Variants in TTC7B observed in about 807,000 individuals in gnomAD.
TTC7B encodes the protein tetratricopeptide repeat protein 7B.
A neutral mutation model predicts 106.8 loss-of-function variants in TTC7B; 28 were observed. That is an observed-to-expected ratio of 0.26 (90% confidence interval 0.19 to 0.36). The LOEUF is 0.36. Among genes scored for constraint, TTC7B ranks in the 10% least tolerant of loss-of-function variants. TTC7B has a pLI of 1.00. For missense variants in TTC7B, 862 were observed against 1,076.4 expected (o/e 0.80, Z 2.79); for synonymous variants, 405 against 430.6 (o/e 0.94, Z 0.74).
chr14:90,687,617 A>T (rs1274514378), intron 7 of TTC7B, among the ~76,000 whole-genome samples: 1 of 152,222 alleles, frequency 6.6e-6, no homozygotes, highest in East Asian at 1.9e-4. Flanking sequence ...TATGATATAA[A>T]TATCACTTAA....
At position 90,802,697 on chromosome 14, in the gene TTC7B, C is replaced by T. The variant is rs960532039; in HGVS notation, c.121+13478G>A. ...GGTGCTCCTCCCGGTCTTTGGTCACCATTTGCAAGTAGTCAACAGGGTTGA... is the reference window on the plus strand; with the variant it reads ...GGTGCTCCTCCCGGTCTTTGGTCACTATTTGCAAGTAGTCAACAGGGTTGA... On this transcript the variant is annotated intron_variant, in intron 1 of 19. Transcript: ENST00000328459. The surrounding 1 kb of genome is among the most constrained non-coding windows in gnomAD (Gnocchi z 4.7). 6.6e-6 allele frequency among the ~76,000 whole-genome samples: 1 copy of T among 151,872 alleles called. No individual in the cohort carries two copies. Among genetic ancestry groups the T allele is most frequent in the Admixed American group, 6.6e-5 (1 of 15,262 alleles).
At chr14:90,815,209 G>A (rs778356920) in intron 1 of TTC7B, among the ~76,000 whole-genome samples, 6 of 152,142 alleles carry the variant, frequency 3.9e-5, no homozygotes, top group Non-Finnish European at 7.4e-5. Flanking sequence ...CTCTGGCCAC[G>A]GTGTGCTGGT....
intron 15 of TTC7B, among the ~76,000 whole-genome samples, chr14:90,627,887 T>G (rs1276289438): frequency 6.6e-6 from 1 of 152,192 alleles, no homozygotes; most frequent in Non-Finnish European, 1.5e-5. Flanking sequence ...AGCCGGCACC[T>G]AAGCTGGAGA....
At chr14:90,750,105 C>T (rs756488895) in intron 3 of TTC7B, among the ~76,000 whole-genome samples, 5 of 152,138 alleles carry the variant, frequency 3.3e-5, no homozygotes, top group Admixed American at 1.3e-4. Context: ...TCACCATTTG[C>T]CAGAATAGTT....
Position 90,533,144 on chromosome 14 carries a change from C to G in TTC7B, c.*8224G>C, listed in dbSNP as rs1249290664. 6.6e-6 allele frequency: 1 copy of G among 152,370 alleles called. No homozygotes were observed. The highest frequency in any genetic ancestry group is 2.4e-5 in the African/African-American group (1 of 41,450). 9.4% of individuals were successfully genotyped at this position (152,370 alleles called of 1,614,324 possible). A position where few individuals can be genotyped will look rare whatever the true frequency, so the allele number is the denominator to read the frequency against. ...TGCAGGCTCCAGCCCAGCAGGCCCA[C>G]AACCCGAGCCCTTGGGCCACAGGCA... On this transcript the variant is annotated 3_prime_UTR_variant, in exon 20 of 20. Coordinates refer to ENST00000328459, the MANE Select transcript of TTC7B (RefSeq NM_001010854.2).
Position 90,525,845 on chromosome 14 carries a change from GA to G in TTC7B, c.*15522del. The stretch of plus-strand genomic sequence containing the variant: ...ACTGTTAGGCTAAGCAGAGACTTTG[GA>G]ACCCCGGTTCTAAAGCTCTCAGAGT... On this transcript the variant is annotated 3_prime_UTR_variant, in exon 20 of 20. Transcript: ENST00000328459. 1 of 146,856 alleles carries G rather than the reference GA, an allele frequency of 6.8e-6. No homozygotes were observed. Among genetic ancestry groups the G allele is most frequent in the South Asian group, 2.2e-4 (1 of 4,502 alleles). The allele number at this position is 146,856 out of a possible 1,614,324, so 9.1% of individuals were successfully genotyped here.
intron 15 of TTC7B, 112 bp from the exon 16 acceptor site, chr14:90,618,157 A>T (rs985721620): frequency 1.4e-6 from 1 of 728,262 alleles, no homozygotes; most frequent in Non-Finnish European, 2.3e-6. Context: ...CATTTCAGAA[A>T]GGGAACATCC....
intron 16 of TTC7B, among the ~76,000 whole-genome samples, chr14:90,613,885 C>T (rs1171136226): frequency 1.3e-5 from 2 of 152,226 alleles, no homozygotes; most frequent in African/African-American, 4.8e-5. Flanking sequence ...ACTTCTATTC[C>T]CTATTATCAC....
At chr14:90,674,481 T>C (rs1886750125) in intron 9 of TTC7B, among the ~76,000 whole-genome samples, 1 of 152,208 alleles carries the variant, frequency 6.6e-6, no homozygotes, top group Admixed American at 6.5e-5. Context: ...ATCCAACCCC[T>C]AGATAAGGCA....
intron 2 of TTC7B, among the ~76,000 whole-genome samples, chr14:90,785,743 T>G (rs1438230702): frequency 6.6e-6 from 1 of 152,174 alleles, no homozygotes; most frequent in African/African-American, 2.4e-5. Flanking sequence ...CCAGGCCTGC[T>G]GGCACCAGTA....
chr14:90,699,698 C>T (rs1166099643), intron 5 of TTC7B, among the ~76,000 whole-genome samples: 1 of 152,090 alleles, frequency 6.6e-6, no homozygotes, highest in Non-Finnish European at 1.5e-5. Flanking sequence ...GCAAAGAAAC[C>T]GTCTGCCTTT....
chr14:90,765,711 C>G (rs975899520), intron 3 of TTC7B, among the ~76,000 whole-genome samples: 3 of 152,172 alleles, frequency 2.0e-5, no homozygotes, highest in Non-Finnish European at 4.4e-5. Flanking sequence ...TGAACACATT[C>G]CTAGAGAAGC....
chr14:90,574,335 G>T (rs1891168417), intron 19 of TTC7B, among the ~76,000 whole-genome samples: 1 of 152,168 alleles, frequency 6.6e-6, no homozygotes, highest in South Asian at 2.1e-4. Context: ...TCCTCCCCTT[G>T]TCAACAACAT....
At chr14:90,598,455 C>T (rs1274840954) in intron 17 of TTC7B, among the ~76,000 whole-genome samples, 4 of 152,086 alleles carry the variant, frequency 2.6e-5, no homozygotes, top group Non-Finnish European at 5.9e-5. Context: ...TCTCCATCAC[C>T]ATGCATGGGG....
chr14:90,680,824 T>C (rs1166898402), intron 7 of TTC7B, among the ~76,000 whole-genome samples: 1 of 152,196 alleles, frequency 6.6e-6, no homozygotes, highest in Non-Finnish European at 1.5e-5. Context: ...TAGATTTCAA[T>C]AAATTGACAT....
At chr14:90,603,200 G>A (rs990913487) in intron 17 of TTC7B, 1 of 1,133,992 alleles carries the variant, frequency 8.8e-7, no homozygotes, top group Non-Finnish European at 1.2e-6. Context: ...GTGGTGGGGG[G>A]AGTGTGATTC....
At chr14:90,726,704 T>A (rs751274712) in intron 5 of TTC7B, among the ~76,000 whole-genome samples, 4 of 152,208 alleles carry the variant, frequency 2.6e-5, no homozygotes, top group Non-Finnish European at 5.9e-5. Context: ...ACCCAGCACC[T>A]GAGCTGCCCT....
chr14:90,682,376 C>T (rs1887087549), intron 7 of TTC7B, among the ~76,000 whole-genome samples: 1 of 152,196 alleles, frequency 6.6e-6, no homozygotes, highest in Non-Finnish European at 1.5e-5. Flanking sequence ...GGTGGGTACT[C>T]AGGAGCACTG....
At chr14:90,792,255 A>C (rs1316575874) in intron 1 of TTC7B, among the ~76,000 whole-genome samples, 1 of 152,066 alleles carries the variant, frequency 6.6e-6, no homozygotes, top group Non-Finnish European at 1.5e-5. Flanking sequence ...TCGTGATGCC[A>C]AGATGTGGAG....
Sources: allele counts gnomAD v4.1 joint callset (sites outside exome capture counted in the v4.1 genomes callset), GRCh38; gene constraint gnomAD v4.1.1; non-coding constraint Gnocchi (gnomAD v3.1); transcripts MANE v1.5; gene names NCBI Gene and HGNC (gene_info 2026-07-23, HGNC 2026-07-21).